Variants in ALDH3A2 observed in about 807,000 individuals in gnomAD.
The protein encoded by ALDH3A2 is aldehyde dehydrogenase 3 family member A2.
In ALDH3A2, 36 loss-of-function variants were observed where a neutral mutation model predicts 51.3. That is an observed-to-expected ratio of 0.70 (90% CI 0.54 to 0.93). The LOEUF (loss-of-function observed/expected upper bound fraction) is 0.93, where lower values mean the gene tolerates loss of function less well. Among genes scored for constraint, ALDH3A2 ranks in the 40% least tolerant of loss-of-function variants. The pLI is 0.00. For missense variants in ALDH3A2, 552 were observed against 603.1 expected, an observed-to-expected ratio of 0.92 and a Z score of 0.89; for synonymous variants, 199 against 219.8, an observed-to-expected ratio of 0.91 and a Z score of 0.84.
intron 3 of ALDH3A2, among the ~76,000 whole-genome samples, chr17:19,655,775 G>C (rs2084886366): frequency 6.6e-6 from 1 of 152,240 alleles, no homozygotes; most frequent in South Asian, 2.1e-4. Context: ...TCAGTCCACA[G>C]AAGCTACGTG....
Position 19,648,936 on chromosome 17 carries a change from GC to G in ALDH3A2, c.-31del. On this transcript the variant is annotated 5_prime_UTR_variant, in exon 1 of 10. Coordinates refer to ENST00000176643, the MANE Select transcript of ALDH3A2 (RefSeq NM_000382.3). ...TGCTTCCCGCCTCCCACTCCCCAGC[GC>G]CCCCGGACCGTGCAGTTCTCTGCAG... 6.4e-7 allele frequency: 1 copy of G among 1,553,068 alleles called. No individual in the cohort carries two copies. Among genetic ancestry groups the G allele is most frequent in the Non-Finnish European group, 8.7e-7 (1 of 1,148,318 alleles).
At position 19,677,322 on chromosome 17, in the gene ALDH3A2, G is replaced by A. The variant is rs370703576; in HGVS notation, c.*1750G>A. On this transcript the variant is annotated 3_prime_UTR_variant, in exon 10 of 10. Transcript: ENST00000176643. ...GTATGAAGTGTTGAAAATTAATAAC[G>A]AGCCTAGTTTAGGAAAAAGCTGCTT... is the stretch of plus-strand genomic sequence containing the variant. The A allele has an allele frequency of 6.6e-6, 1 of 152,214 alleles. No individual in the cohort carries two copies. The highest frequency in any genetic ancestry group is 1.5e-5 in the Non-Finnish European group (1 of 68,044). 9.4% of individuals were successfully genotyped at this position (152,214 alleles called of 1,614,324 possible). A position where few individuals can be genotyped will look rare whatever the true frequency, so the allele number is the denominator to read the frequency against.
At chr17:19,658,798 T>G (rs983746010) in intron 5 of ALDH3A2, among the ~76,000 whole-genome samples, 1 of 150,594 alleles carries the variant, frequency 6.6e-6, no homozygotes, top group Non-Finnish European at 1.5e-5. Context: ...CCAGTGTGAC[T>G]GAGTTCAGCA....
intron 5 of ALDH3A2, among the ~76,000 whole-genome samples, chr17:19,660,473 T>C (rs1279582770): frequency 6.6e-6 from 1 of 152,216 alleles, no homozygotes; most frequent in Admixed American, 6.5e-5. Context: ...TTTGAAGTGA[T>C]GCAGCAATTC....
rs2084769967 is a variant in ALDH3A2 at position 19,648,792 on chromosome 17, G to A, written c.-180G>A. On this transcript the variant is annotated 5_prime_UTR_variant, in exon 1 of 10. Transcript: ENST00000176643. The stretch of plus-strand genomic sequence containing the variant: ...CTCCGACTGGCAGTGGGACTCAGCG[G>A]GCGTGGAGGTCGCGGCTGAGCGAGC... 1.2e-6 allele frequency: 1 copy of A among 807,048 alleles called. No homozygotes were observed. The highest frequency in any genetic ancestry group is 2.0e-6 in the Non-Finnish European group (1 of 512,798). The allele number at this position is 807,048 out of a possible 1,614,324, so 50.0% of individuals were successfully genotyped here.
chr17:19,657,530 T>A (rs978273496), intron 4 of ALDH3A2, among the ~76,000 whole-genome samples: 2 of 152,250 alleles, frequency 1.3e-5, no homozygotes, highest in African/African-American at 4.8e-5. Context: ...GCCTGAGAAC[T>A]TCCCTGCTAT....
chr17:19,673,351 T>G (rs1237123303), intron 9 of ALDH3A2: 396 of 1,362,930 alleles, frequency 2.9e-4, no homozygotes, highest in Non-Finnish European at 4.5e-5. Context: ...TTTTGGTTTG[T>G]TTTTGTTTTT....
At chr17:19,674,155 AG>A (rs2085157963) in intron 9 of ALDH3A2, 1 of 152,226 alleles carries the variant, frequency 6.6e-6, no homozygotes, top group African/African-American at 2.4e-5. Context: ...TATACAATTT[AG>A]GGGCTACTTT....
Position 19,652,633 on chromosome 17 carries a change from G to A in ALDH3A2, c.471+1G>A. ...GCTTCTCCCTCAGTATTTAGACCAG[G>A]TAAGAATTTCTTGACTCATCTCCAA... is the stretch of plus-strand genomic sequence containing the variant. On this transcript the variant is annotated splice_donor_variant, in intron 3 of 9. Transcript: ENST00000176643. LOFTEE classifies it high-confidence loss of function. 6.2e-7 allele frequency: 1 copy of A among 1,610,498 alleles called. No homozygotes were observed. Among genetic ancestry groups the A allele is most frequent in the Non-Finnish European group, 8.5e-7 (1 of 1,176,704 alleles).
intron 5 of ALDH3A2, 78 bp from the exon 6 acceptor site, chr17:19,661,049 G>A (rs573365903): frequency 5.7e-6 from 8 of 1,401,288 alleles, no homozygotes; most frequent in Admixed American, 1.7e-5. Context: ...TGATTTTGGG[G>A]CATGGCTGGA....
rs1280713018 is a variant in ALDH3A2 at position 19,675,659 on chromosome 17, C to A, written c.*87C>A. 4 of 1,361,294 alleles carry A rather than the reference C, an allele frequency of 2.9e-6. No homozygotes were observed. The highest frequency in any genetic ancestry group is 1.4e-5 in the African/African-American group (1 of 69,818). 84.3% of individuals were successfully genotyped at this position (1,361,294 alleles called of 1,614,324 possible). A position where few individuals can be genotyped will look rare whatever the true frequency, so the allele number is the denominator to read the frequency against. ...TGAACCAATAATTTTTAAATCATACCAAAAATAGTAAGAAAATATGCAAAC... is the reference window on the plus strand; with the variant it reads ...TGAACCAATAATTTTTAAATCATACAAAAAATAGTAAGAAAATATGCAAAC... On this transcript the variant is annotated 3_prime_UTR_variant, in exon 10 of 10. Coordinates refer to ENST00000176643, the MANE Select transcript of ALDH3A2 (RefSeq NM_000382.3).
chr17:19,673,350 G>T, intron 9 of ALDH3A2: 1 of 1,251,478 alleles, frequency 8.0e-7, no homozygotes, highest in Non-Finnish European at 1.1e-6. Context: ...TTTTTGGTTT[G>T]TTTTTGTTTT....
upstream of ALDH3A2, chr17:19,648,693 A>G (rs2152325382): frequency 2.0e-6 from 1 of 511,290 alleles, no homozygotes; most frequent in South Asian, 2.3e-5. Context: ...GAGGCCGTGA[A>G]CAGCGGCTGT....
chr17:19,651,513 C>T, intron 1 of ALDH3A2, 34 bp from the exon 2 acceptor site: 1 of 1,549,116 alleles, frequency 6.5e-7, no homozygotes, highest in Non-Finnish European at 8.9e-7. Flanking sequence ...ATCATACTTA[C>T]TCTGCAAGAT....
chr17:19,656,241 C>T, intron 3 of ALDH3A2, 125 bp from the exon 4 acceptor site: 1 of 891,492 alleles, frequency 1.1e-6, no homozygotes, highest in Non-Finnish European at 1.8e-6. Context: ...CCATCCCTCA[C>T]AGGGACTGGT....
Position 19,649,111 on chromosome 17 carries a change from C to A in ALDH3A2, c.140C>A (p.Ala47Asp). Reference protein sequence around the residue: ...REKDILTAIAADLCKSEFNVY... With the variant: ...REKDILTAIADDLCKSEFNVY... ...AAGGATATCCTGACGGCCATCGCCG[C>A]CGACCTGTGCAAGGTACGCACGCGT... is the stretch of plus-strand genomic sequence containing the variant. The change falls in exon 1 of 10, where the codon GCC becomes GAC. Residue 47 changes from alanine to aspartate, a missense_variant. Physicochemically the swap from Ala to Asp is moderately radical, Grantham distance 126. Coordinates refer to ENST00000176643, the MANE Select transcript of ALDH3A2 (RefSeq NM_000382.3). 1.3e-6 allele frequency: 2 copies of A among 1,574,024 alleles called. No individual in the cohort carries two copies. The highest frequency in any genetic ancestry group is 1.7e-6 in the Non-Finnish European group (2 of 1,160,070).
Position 19,648,802 on chromosome 17 carries a change from T to C in ALDH3A2, c.-170T>C. 1.1e-6 allele frequency: 1 copy of C among 906,076 alleles called. No individual in the cohort carries two copies. The allele number at this position is 906,076 out of a possible 1,614,324, so 56.1% of individuals were successfully genotyped here. A position where few individuals can be genotyped will look rare whatever the true frequency, so the allele number is the denominator to read the frequency against. On this transcript the variant is annotated 5_prime_UTR_variant, in exon 1 of 10. Coordinates refer to ENST00000176643, the MANE Select transcript of ALDH3A2 (RefSeq NM_000382.3). The stretch of plus-strand genomic sequence containing the variant: ...CAGTGGGACTCAGCGGGCGTGGAGG[T>C]CGCGGCTGAGCGAGCGAGCCCTGGG...
intron 5 of ALDH3A2, among the ~76,000 whole-genome samples, chr17:19,660,720 C>T (rs2084955036): frequency 6.6e-6 from 1 of 152,208 alleles, no homozygotes; most frequent in Non-Finnish European, 1.5e-5. Flanking sequence ...GTTAGGGTCT[C>T]TGCTGTAACT....
chr17:19,652,812 A>G (rs1240567942), intron 3 of ALDH3A2, 180 bp downstream of exon 3: 1 of 624,854 alleles, frequency 1.6e-6, no homozygotes, highest in South Asian at 1.8e-5. Flanking sequence ...TTTTGTGTGG[A>G]GTCACCCAGC....
Sources: allele counts gnomAD v4.1 joint callset (sites outside exome capture counted in the v4.1 genomes callset), GRCh38; gene constraint gnomAD v4.1.1; transcripts MANE v1.5; gene names NCBI Gene and HGNC (gene_info 2026-07-23, HGNC 2026-07-21).